Variants in RAPGEF6 observed in about 807,000 individuals in gnomAD.
RAPGEF6 encodes the protein Rap guanine nucleotide exchange factor 6.
A neutral mutation model predicts 171.4 loss-of-function variants in RAPGEF6; 56 were observed. The ratio of observed to expected loss-of-function variants is 0.33; its 90% CI spans 0.26 to 0.41. RAPGEF6 has a LOEUF of 0.41. RAPGEF6 is among the 10% of genes least tolerant of loss of function. The pLI is 1.00. For missense variants in RAPGEF6, 1,674 were observed against 1,921.4 expected (o/e 0.87, Z 2.41); for synonymous variants, 692 against 650.1 (o/e 1.06, Z -0.98).
chr5:131,508,063 T>C lies in RAPGEF6; in HGVS notation c.942+8A>G. On this transcript the variant is annotated splice_region_variant and intron_variant, in intron 9 of 27. Coordinates refer to ENST00000509018, the MANE Select transcript of RAPGEF6 (RefSeq NM_016340.6). ...TAATAAATGTATGTAATTTATTTAT[T>C]GACCTACCTCTTGCCCATCTTCAAG... The C allele has an allele frequency of 6.3e-7, 1 of 1,577,630 alleles. No homozygotes were observed. The highest frequency in any genetic ancestry group is 8.6e-7 in the Non-Finnish European group (1 of 1,162,620).
At position 131,492,466 on chromosome 5, in the gene RAPGEF6, A is replaced by G. The variant is rs1029627539; in HGVS notation, c.1731+116T>C. 42 of 978,058 alleles carry G rather than the reference A, an allele frequency of 4.3e-5. No individual in the cohort carries two copies. The Admixed American group carries it at 8.3e-4, about 19-fold the overall frequency. 60.6% of individuals were successfully genotyped at this position (978,058 alleles called of 1,614,324 possible). On this transcript the variant is annotated intron_variant, in intron 14 of 27. Transcript: ENST00000509018. ...CATATGCAGATACTACCTCTAAAAAAAGGCTCAGAAAAATATTTCCTTAAA... is the reference window on the plus strand; with the variant it reads ...CATATGCAGATACTACCTCTAAAAAGAGGCTCAGAAAAATATTTCCTTAAA...
intron 1 of RAPGEF6, among the ~76,000 whole-genome samples, chr5:131,609,135 G>A (rs1435971120): frequency 6.6e-6 from 1 of 152,116 alleles, no homozygotes; most frequent in African/African-American, 2.4e-5. Context: ...TTTTTGCCAT[G>A]AGTAGAAGCA....
chr5:131,509,807 A>G (rs1691415743), intron 8 of RAPGEF6, among the ~76,000 whole-genome samples: 1 of 152,214 alleles, frequency 6.6e-6, no homozygotes, highest in South Asian at 2.1e-4. Context: ...ATGTCCTTGT[A>G]CAGACCCATT....
At chr5:131,519,271 C>A (rs576956418) in intron 7 of RAPGEF6, among the ~76,000 whole-genome samples, 349 of 152,344 alleles carry the variant, frequency 2.3e-3, no homozygotes, top group Non-Finnish European at 4.1e-3. Flanking sequence ...TAGGGACCAA[C>A]TGTGTACAGT....
At chr5:131,549,599 T>C (rs1760782565) in intron 5 of RAPGEF6, among the ~76,000 whole-genome samples, 1 of 152,000 alleles carries the variant, frequency 6.6e-6, no homozygotes, top group Non-Finnish European at 1.5e-5. Context: ...TAGTCCCTGC[T>C]ACCAGGGATG....
At chr5:131,515,816 G>A (rs1428483368) in intron 7 of RAPGEF6, among the ~76,000 whole-genome samples, 3 of 152,252 alleles carry the variant, frequency 2.0e-5, no homozygotes, top group South Asian at 4.2e-4. Context: ...ATGTGATGGG[G>A]CAGAATCTAG....
chr5:131,629,040 A>C (rs927931237), intron 1 of RAPGEF6, among the ~76,000 whole-genome samples: 1 of 152,200 alleles, frequency 6.6e-6, no homozygotes, highest in African/African-American at 2.4e-5. Flanking sequence ...CCCATGGATC[A>C]AGGAAAAGTT....
In RAPGEF6 at chr5:131,433,590, G is replaced by A. The variant is rs375376060; in HGVS notation, c.3814C>T (p.Arg1272Trp). ...SDSSHSEISSRSSIVSNCSVD... is the reference protein window; with the variant it reads ...SDSSHSEISSWSSIVSNCSVD... ...GAACAATTGCTCACGATGCTGGACC[G>A]TGAAGAAATCTCACTATGGCTGGAG... The change falls in exon 25 of 28, where the codon CGG (arginine) becomes TGG (tryptophan). Residue 1272 changes from arginine to tryptophan, a missense_variant. Transcript: ENST00000509018. The A allele has an allele frequency of 1.2e-5, 20 of 1,613,802 alleles. No individual in the cohort carries two copies. In the South Asian group the frequency reaches 2.2e-4, roughly 18 times the overall value.
chr5:131,590,732 A>G (rs1464711340), intron 4 of RAPGEF6, among the ~76,000 whole-genome samples: 1 of 152,204 alleles, frequency 6.6e-6, no homozygotes, highest in East Asian at 1.9e-4. Context: ...TATTTACTTA[A>G]AAAGATAAAC....
chr5:131,462,211 T>C (rs1380112385), intron 18 of RAPGEF6, 123 bp from the exon 19 acceptor site: 1 of 847,280 alleles, frequency 1.2e-6, no homozygotes. Context: ...AAATATTAAT[T>C]TACAGATAAA....
intron 1 of RAPGEF6, among the ~76,000 whole-genome samples, chr5:131,630,383 A>G (rs1385573025): frequency 6.6e-6 from 1 of 152,238 alleles, no homozygotes; most frequent in African/African-American, 2.4e-5. Context: ...GTGCACTAGG[A>G]AATAAAATTC....
At chr5:131,586,253 A>C (rs1249127517) in intron 4 of RAPGEF6, among the ~76,000 whole-genome samples, 2 of 152,246 alleles carry the variant, frequency 1.3e-5, no homozygotes, top group East Asian at 3.8e-4. Flanking sequence ...AAAATAACCA[A>C]GCAAGGTTTC....
chr5:131,598,947 T>A (rs1450814922), intron 3 of RAPGEF6, among the ~76,000 whole-genome samples: 1 of 152,188 alleles, frequency 6.6e-6, no homozygotes, highest in African/African-American at 2.4e-5. Flanking sequence ...CAAGACAATC[T>A]TGAAGAACAA....
rs769148834 is a variant in RAPGEF6 at position 131,456,024 on chromosome 5, G to A, written c.2865-12C>T. On this transcript the variant is annotated splice_polypyrimidine_tract_variant and intron_variant, in intron 19 of 27. Transcript: ENST00000509018. ...CCAGGTTCAAGCCACTGCCAAAGAT[G>A]AGAATAGAAACATTAAAAAGAAACT... is the stretch of plus-strand genomic sequence containing the variant. The A allele has an allele frequency of 5.6e-6, 9 of 1,611,520 alleles. No individual in the cohort carries two copies. The highest frequency in any genetic ancestry group is 7.6e-6 in the Non-Finnish European group (9 of 1,178,250).
chr5:131,450,127 A>G (rs571423911), intron 21 of RAPGEF6: 928 of 1,371,004 alleles, frequency 6.8e-4, no homozygotes, highest in Non-Finnish European at 8.9e-4. Context: ...AGAGTCAGAG[A>G]AACTATGCAG....
At chr5:131,517,892 T>G (rs1255114811) in intron 7 of RAPGEF6, among the ~76,000 whole-genome samples, 2 of 151,986 alleles carry the variant, frequency 1.3e-5, no homozygotes, top group African/African-American at 4.8e-5. Context: ...GGAGGGTATA[T>G]CTTATCAATC....
intron 2 of RAPGEF6, 54 bp from the exon 3 acceptor site, chr5:131,603,381 T>C (rs776309629): frequency 2.4e-6 from 3 of 1,244,302 alleles, no homozygotes; most frequent in Non-Finnish European, 3.4e-6. Flanking sequence ...TTAAAATTGT[T>C]ATAATTTGAC....
At chr5:131,582,119 A>G (rs1182381694) in intron 4 of RAPGEF6, among the ~76,000 whole-genome samples, 1 of 152,214 alleles carries the variant, frequency 6.6e-6, no homozygotes, top group African/African-American at 2.4e-5. Flanking sequence ...CCAAGTGAAT[A>G]AATAGCCTTG....
intron 21 of RAPGEF6, among the ~76,000 whole-genome samples, chr5:131,451,860 T>C (rs1753099437): frequency 6.6e-6 from 1 of 152,170 alleles, no homozygotes; most frequent in Non-Finnish European, 1.5e-5. Flanking sequence ...GAACTGAAGC[T>C]ATACACATAG....
Sources: gnomAD v4.1 joint callset for allele counts (sites outside exome capture counted in the v4.1 genomes callset) on GRCh38, gnomAD v4.1.1 for gene constraint, MANE v1.5 for transcripts, NCBI Gene and HGNC (gene_info 2026-07-23, HGNC 2026-07-21) for gene names.